Variants in ADAMTS6 observed in about 807,000 individuals in gnomAD.
The protein encoded by ADAMTS6 is ADAM metallopeptidase with thrombospondin type 1 motif 6.
Under a neutral mutation model 144.3 loss-of-function variants are expected in ADAMTS6, and 23 were observed. That is an observed-to-expected ratio of 0.16 (90% CI 0.11 to 0.23). ADAMTS6 has a LOEUF of 0.23. Ranked by LOEUF, ADAMTS6 falls within the 10% of genes least tolerant of loss-of-function variation. The pLI, the probability that ADAMTS6 is intolerant of heterozygous loss-of-function variation, is 1.00. For synonymous variants in ADAMTS6, 444 were observed against 457.5 expected (o/e 0.97, Z 0.38); for missense variants, 999 against 1,379.6 (o/e 0.72, Z 4.37).
At chr5:65,307,408 T>G (rs546886929) in intron 9 of ADAMTS6, among the ~76,000 whole-genome samples, 1 of 152,312 alleles carries the variant, frequency 6.6e-6, no homozygotes, top group South Asian at 2.1e-4. Flanking sequence ...TGAATCTCAG[T>G]GGAGGTCGAT....
At chr5:65,260,225 T>C (rs771234072) in intron 14 of ADAMTS6, among the ~76,000 whole-genome samples, 11 of 152,134 alleles carry the variant, frequency 7.2e-5, no homozygotes, top group Non-Finnish European at 1.6e-4. Context: ...AGGGATAATG[T>C]AGGAGTCTGG....
In ADAMTS6 at chr5:65,224,294, C is replaced by G. The variant is rs374220921; in HGVS notation, c.2272+26G>C. On this transcript the variant is annotated intron_variant, in intron 18 of 24. Transcript: ENST00000381055. The stretch of plus-strand genomic sequence containing the variant: ...TTCCTCATTTACTTTTAAAATCCAG[C>G]AAACTAGCATACCAGTCTAACATAC... 2.6e-5 allele frequency: 42 copies of G among 1,595,494 alleles called. No individual in the cohort carries two copies. In the African/African-American group the frequency reaches 5.4e-4, roughly 20 times the overall value.
At chr5:65,275,363 G>C (rs1157573442) in intron 11 of ADAMTS6, among the ~76,000 whole-genome samples, 1 of 63,950 alleles carries the variant, frequency 1.6e-5, no homozygotes, top group African/African-American at 5.8e-5. Flanking sequence ...GAGAAAGAAA[G>C]AAAGAAAGAA....
chr5:65,334,150 A>G (rs1440555408), intron 7 of ADAMTS6, 65 bp from the exon 8 acceptor site: 2 of 1,456,494 alleles, frequency 1.4e-6, no homozygotes, highest in Non-Finnish European at 1.8e-6. Flanking sequence ...TTCTATATTC[A>G]TCATACTTCT....
intron 11 of ADAMTS6, among the ~76,000 whole-genome samples, chr5:65,277,873 G>GT (rs1171359454): frequency 6.6e-6 from 1 of 152,062 alleles, no homozygotes; most frequent in Non-Finnish European, 1.5e-5. Context: ...GGTACAAGTG[G>GT]TTTTTTGTTA....
chr5:65,444,451 A>G (rs540659572), intron 7 of ADAMTS6, among the ~76,000 whole-genome samples: 4 of 152,252 alleles, frequency 2.6e-5, no homozygotes, highest in East Asian at 1.9e-4. Flanking sequence ...TTGCATTTTT[A>G]TATACCAGTG....
chr5:65,271,557 G>A (rs963900946), intron 12 of ADAMTS6, among the ~76,000 whole-genome samples: 2 of 151,958 alleles, frequency 1.3e-5, no homozygotes, highest in African/African-American at 4.8e-5. Context: ...TATAAGATAT[G>A]ACATTTGATG....
intron 14 of ADAMTS6, among the ~76,000 whole-genome samples, chr5:65,258,361 C>A (rs1322301357): frequency 6.6e-6 from 1 of 151,978 alleles, no homozygotes; most frequent in Non-Finnish European, 1.5e-5. Flanking sequence ...AGGAAGGGGA[C>A]CTATGTTGCT....
intron 23 of ADAMTS6, among the ~76,000 whole-genome samples, chr5:65,170,999 C>G (rs1357011421): frequency 6.6e-6 from 1 of 151,272 alleles, no homozygotes. Context: ...CCACCACGCC[C>G]AGCCACAATA....
At chr5:65,246,050 G>T (rs1759607681) in intron 14 of ADAMTS6, among the ~76,000 whole-genome samples, 1 of 152,104 alleles carries the variant, frequency 6.6e-6, no homozygotes, top group African/African-American at 2.4e-5. Context: ...ATTTGCATAA[G>T]ATGCTTGGAT....
At chr5:65,346,538 G>C (rs560723307) in intron 7 of ADAMTS6, among the ~76,000 whole-genome samples, 1 of 151,546 alleles carries the variant, frequency 6.6e-6, no homozygotes, top group Non-Finnish European at 1.5e-5. Flanking sequence ...ATAAAAAATA[G>C]GTGAAAGTTT....
At chr5:65,375,640 G>T (rs1037178479) in intron 7 of ADAMTS6, among the ~76,000 whole-genome samples, 6 of 152,032 alleles carry the variant, frequency 3.9e-5, no homozygotes, top group Non-Finnish European at 8.8e-5. Flanking sequence ...TGGAGAAATA[G>T]GAACACTTTT....
At chr5:65,266,253 A>G (rs1761620936) in intron 12 of ADAMTS6, among the ~76,000 whole-genome samples, 1 of 151,938 alleles carries the variant, frequency 6.6e-6, no homozygotes, top group Non-Finnish European at 1.5e-5. Flanking sequence ...TAAATACAAT[A>G]TTCACTTCGT....
intron 7 of ADAMTS6, among the ~76,000 whole-genome samples, chr5:65,412,976 C>T (rs1755178081): frequency 2.0e-5 from 3 of 152,148 alleles, no homozygotes; most frequent in South Asian, 4.1e-4. Flanking sequence ...CAAGATTTAG[C>T]AATCCTCTAT....
At chr5:65,408,312 AG>A (rs1210386294) in intron 7 of ADAMTS6, among the ~76,000 whole-genome samples, 1 of 152,186 alleles carries the variant, frequency 6.6e-6, no homozygotes, top group African/African-American at 2.4e-5. Flanking sequence ...AGATCTACCA[AG>A]CAAATGGAAA....
intron 14 of ADAMTS6, among the ~76,000 whole-genome samples, chr5:65,258,326 G>A (rs1218255276): frequency 6.6e-6 from 1 of 152,186 alleles, no homozygotes; most frequent in Non-Finnish European, 1.5e-5. Flanking sequence ...AAAGCCCGAA[G>A]GTAGGAGCAT....
At chr5:65,448,885 A>C (rs1345693909) in intron 7 of ADAMTS6, among the ~76,000 whole-genome samples, 2 of 152,186 alleles carry the variant, frequency 1.3e-5, no homozygotes, top group South Asian at 2.1e-4. Flanking sequence ...AGATCAACCA[A>C]TTTTCAATAT....
chr5:65,252,916 C>G (rs557833207), intron 14 of ADAMTS6, among the ~76,000 whole-genome samples: 1 of 152,094 alleles, frequency 6.6e-6, no homozygotes, highest in South Asian at 2.1e-4. Flanking sequence ...TTTGTTGAGA[C>G]AGGGTCTCTG....
rs572969993 is a variant in ADAMTS6, at chr5:65,337,978, C to T, written c.1074-3893G>A. Among the ~76,000 whole-genome samples the T allele has an allele frequency of 5.3e-5, 8 of 152,184 alleles. No homozygotes were observed. The South Asian group carries it at 8.3e-4, about 16-fold the overall frequency. ...AATTGCTTACTCTCAACACCCTTTA[C>T]AAAAATCAGTCACTACTAAATCCTT... On this transcript the variant is annotated intron_variant, in intron 7 of 24. Transcript: ENST00000381055.
Sources: allele counts gnomAD v4.1 joint callset (sites outside exome capture counted in the v4.1 genomes callset), GRCh38; gene constraint gnomAD v4.1.1; transcripts MANE v1.5; gene names NCBI Gene and HGNC (gene_info 2026-07-23, HGNC 2026-07-21).